B4GALNT4: variants seen among roughly 807,000 people sequenced by gnomAD.
The protein encoded by B4GALNT4 is N-acetyl-beta-glucosaminyl-glycoprotein 4-beta-N-acetylgalactosaminyltransferase 1.
A neutral mutation model predicts 110.0 loss-of-function variants in B4GALNT4; 77 were observed. The observed-to-expected ratio is 0.70, with a 90% CI of 0.58 to 0.85. The LOEUF is 0.85. Ranked by LOEUF, B4GALNT4 falls within the 40% of genes least tolerant of loss-of-function variation. The probability of loss-of-function intolerance (pLI) is 0.00; values close to 1 mark genes in which losing one functional copy is unlikely to be tolerated. For missense variants in B4GALNT4, 1,575 were observed against 1,506.0 expected, an observed-to-expected ratio of 1.05 and a Z score of -0.76; for synonymous variants, 785 against 655.5, an observed-to-expected ratio of 1.20 and a Z score of -3.02.
At position 376,871 on chromosome 11, in the gene B4GALNT4, A is replaced by C; in HGVS notation, c.1748A>C (p.Gln583Pro). The part of the protein sequence containing the change: ...RPHGRRTGGP[Q>P]ATQPRPPARA... Reference sequence around the variant, plus strand: ...CACGGCCGCAGGACCGGCGGCCCCCAGGCCACACAGCCGAGGCCCCCAGCC... The same window carrying C: ...CACGGCCGCAGGACCGGCGGCCCCCCGGCCACACAGCCGAGGCCCCCAGCC... Residue 583 changes from glutamine (Q) to proline (P), a missense_variant, in exon 14 of 20, where the codon CAG (glutamine) becomes CCG (proline). Physicochemically the swap from Gln to Pro is moderately conservative, Grantham distance 76 (BLOSUM62 -1). Coordinates refer to ENST00000329962, the MANE Select transcript of B4GALNT4 (RefSeq NM_178537.5). 2 of 1,331,618 alleles carry C rather than the reference A, an allele frequency of 1.5e-6. No homozygotes were observed. The highest frequency in any genetic ancestry group is 1.9e-6 in the Non-Finnish European group (2 of 1,044,092). The allele number at this position is 1,331,618 out of a possible 1,614,324, so 82.5% of individuals were successfully genotyped here.
chr11:379,842 C>T (rs1206889757), intron 15 of B4GALNT4, 24 bp from the exon 16 acceptor site: 3 of 1,523,180 alleles, frequency 2.0e-6, no homozygotes, highest in Admixed American at 2.0e-5. Flanking sequence ...CGGCTCAGCG[C>T]CCCCCCCGCC....
At chr11:378,998 G>T (rs1311359510) in intron 14 of B4GALNT4, among the ~76,000 whole-genome samples, 1 of 152,198 alleles carries the variant, frequency 6.6e-6, no homozygotes, top group Non-Finnish European at 1.5e-5. Context: ...AGTATGAGGG[G>T]AAGGTTGAAA....
chr11:380,768 G>C lies in B4GALNT4; in HGVS notation c.2870-57G>C, dbSNP rs1027934780. 3.3e-4 allele frequency: 521 copies of C among 1,584,044 alleles called. 1 individual carries two copies. In the African/African-American group the frequency reaches 7.2e-3, roughly 22 times the overall value. The stretch of plus-strand genomic sequence containing the variant: ...CGAGGTCTCCTAGCGGCGCTTTGCC[G>C]GGGGGACCTTGCAGGACCTGGTCTG... On this transcript the variant is annotated intron_variant, in intron 18 of 19. Transcript: ENST00000329962.
At position 377,225 on chromosome 11, in the gene B4GALNT4, A is replaced by G; in HGVS notation, c.2102A>G (p.Asn701Ser). 1 of 1,597,338 alleles carries G rather than the reference A, an allele frequency of 6.3e-7. No individual in the cohort carries two copies. The highest frequency in any genetic ancestry group is 1.3e-5 in the African/African-American group (1 of 74,728). Residue 701 changes from asparagine to serine, a missense_variant, in exon 14 of 20, where the codon AAC (asparagine) becomes AGC (serine). Physicochemically the swap from Asn to Ser is conservative, Grantham distance 46. Transcript: ENST00000329962. ...TTCGAGCTGCTGCGCTCGGACTGGA[A>G]CGACCTGCGATGCAACGTTTCGGGG... ...VDFELLRSDW[N>S]DLRCNVSGNL...
Position 369,967 on chromosome 11 carries a change from G to GGGCGCGGGGGGCGCGGGC in B4GALNT4, c.151+30_151+31insCGGCGCGGGGGGCGCGGG, listed in dbSNP as rs1564866346. The GGGCGCGGGGGGCGCGGGC allele has an allele frequency of 1.7e-6, 1 of 586,754 alleles. No homozygotes were observed. The highest frequency in any genetic ancestry group is 2.1e-6 in the Non-Finnish European group (1 of 478,048). 36.3% of individuals were successfully genotyped at this position (586,754 alleles called of 1,614,324 possible). ...GGCTACGGGCGAGGTACGGCGCGGG[G>GGGCGCGGGGGGCGCGGGC]GGCGCGGGGGGCGCGGGGGGCGGGG... On this transcript the variant is annotated intron_variant, in intron 1 of 19. Coordinates refer to ENST00000329962, the MANE Select transcript of B4GALNT4 (RefSeq NM_178537.5).
intron 8 of B4GALNT4, among the ~76,000 whole-genome samples, chr11:374,406 G>T (rs1281551773): frequency 6.7e-6 from 1 of 149,812 alleles, no homozygotes; most frequent in Non-Finnish European, 1.5e-5. Context: ...AGCCTGGTGG[G>T]TGTGGGGGGC....
intron 18 of B4GALNT4, 181 bp from the exon 19 acceptor site, chr11:380,644 A>G (rs752597736): frequency 2.4e-6 from 3 of 1,251,808 alleles, no homozygotes; most frequent in East Asian, 2.5e-5. Flanking sequence ...CTCCTCCAGT[A>G]TCCCGCGTTT....
At position 380,958 on chromosome 11, in the gene B4GALNT4, A is replaced by G; in HGVS notation, c.2996+7A>G. On this transcript the variant is annotated splice_region_variant and intron_variant, in intron 19 of 19. Coordinates refer to ENST00000329962, the MANE Select transcript of B4GALNT4 (RefSeq NM_178537.5). Reference sequence around the variant, plus strand: ...ACTGGGAGCTCCTGGACAGGTGACCACCTCCCCACTCCCCAGAGGTGACAC... The same window carrying G: ...ACTGGGAGCTCCTGGACAGGTGACCGCCTCCCCACTCCCCAGAGGTGACAC... 6.2e-7 allele frequency: 1 copy of G among 1,608,808 alleles called. No homozygotes were observed. Among genetic ancestry groups the G allele is most frequent in the Non-Finnish European group, 8.5e-7 (1 of 1,177,828 alleles).
rs1416310789 is a variant in B4GALNT4 at position 373,769 on chromosome 11, T to C, written c.724T>C (p.Tyr242His). ...KPRRLMASRR[Y>H]YFELLHKQDD... is the part of the protein sequence containing the mutation. Reference sequence around the variant, plus strand: ...CCCCAGGCTCATGGCCTCCCGGAGGTACTACTTTGAGTTGCTGCACAAGCA... The same window carrying C: ...CCCCAGGCTCATGGCCTCCCGGAGGCACTACTTTGAGTTGCTGCACAAGCA... Residue 242 changes from tyrosine to histidine, a missense_variant, in exon 8 of 20, where the codon TAC (tyrosine) becomes CAC (histidine). By Grantham distance (83) the Tyr-to-His change is moderately conservative (BLOSUM62 2). Coordinates refer to ENST00000329962, the MANE Select transcript of B4GALNT4 (RefSeq NM_178537.5). The C allele has an allele frequency of 6.2e-7, 1 of 1,612,168 alleles. No homozygotes were observed. Among genetic ancestry groups the C allele is most frequent in the Non-Finnish European group, 8.5e-7 (1 of 1,179,820 alleles).
In B4GALNT4 at chr11:380,410, G is replaced by A. The variant is rs1232798207; in HGVS notation, c.2834G>A (p.Arg945His). 1 of 1,610,982 alleles carries A rather than the reference G, an allele frequency of 6.2e-7. No individual in the cohort carries two copies. Among genetic ancestry groups the A allele is most frequent in the African/African-American group, 1.3e-5 (1 of 74,810 alleles). Residue 945 changes from arginine to histidine, a missense_variant, in exon 18 of 20, where the codon CGC (arginine) becomes CAC (histidine). Physicochemically the swap from Arg to His is conservative, Grantham distance 29. Transcript: ENST00000329962. ...GRLAFAPVVM[R>H]LSCGSSPRDP... is the part of the protein sequence containing the mutation. ...CTGGCCTTCGCGCCCGTGGTCATGCGCCTGAGCTGCGGGAGCTCGCCCCGG... is the reference window on the plus strand; with the variant it reads ...CTGGCCTTCGCGCCCGTGGTCATGCACCTGAGCTGCGGGAGCTCGCCCCGG...
Position 376,608 on chromosome 11 carries a change from C to T in B4GALNT4, c.1485C>T (p.Ser495=). The T allele has an allele frequency of 7.2e-7, 1 of 1,394,676 alleles. No homozygotes were observed. The allele number at this position is 1,394,676 out of a possible 1,614,324, so 86.4% of individuals were successfully genotyped here. The change falls in exon 14 of 20, where the codon AGC becomes AGT. Residue 495 remains serine (S), a synonymous_variant. Coordinates refer to ENST00000329962, the MANE Select transcript of B4GALNT4 (RefSeq NM_178537.5). ...CCCCCAGGCACTCCCGGGCCCTGAG[C>T]TGGGCCGCCAGGGCCGCCCGCCCTT... ...GGTPRHSRAL[S]WAARAARPLP... is the part of the protein sequence containing the mutation.
At chr11:375,595 G>A in intron 9 of B4GALNT4, 44 bp from the exon 10 acceptor site, 3 of 1,600,484 alleles carry the variant, frequency 1.9e-6, no homozygotes, top group African/African-American at 2.7e-5. Flanking sequence ...TGGGAAGAGT[G>A]GAGGAGGGGG....
At chr11:380,548 G>C (rs1473375478) in intron 18 of B4GALNT4, 103 bp downstream of exon 18, 1 of 1,474,518 alleles carries the variant, frequency 6.8e-7, no homozygotes, top group Non-Finnish European at 9.2e-7. Context: ...GGGAGGCCTG[G>C]GAGTCCATCA....
In B4GALNT4 at chr11:377,337, C is replaced by A; in HGVS notation, c.2204+10C>A. ...ACGCGCGCCACGGCGGGTATGGGGG[C>A]GGCCGAACGCGCGCCAGGGCGGTTT... On this transcript the variant is annotated intron_variant, in intron 14 of 19. Coordinates refer to ENST00000329962, the MANE Select transcript of B4GALNT4 (RefSeq NM_178537.5). The A allele has an allele frequency of 6.7e-7, 1 of 1,496,458 alleles. No individual in the cohort carries two copies. The highest frequency in any genetic ancestry group is 8.9e-7 in the Non-Finnish European group (1 of 1,127,702). The allele number at this position is 1,496,458 out of a possible 1,614,324, so 92.7% of individuals were successfully genotyped here. A position where few individuals can be genotyped will look rare whatever the true frequency, so the allele number is the denominator to read the frequency against.
Position 376,645 on chromosome 11 carries a change from T to C in B4GALNT4, c.1522T>C (p.Leu508=). 1 of 1,425,460 alleles carries C rather than the reference T, an allele frequency of 7.0e-7. No individual in the cohort carries two copies. Among genetic ancestry groups the C allele is most frequent in the Non-Finnish European group, 9.2e-7 (1 of 1,091,382 alleles). 88.3% of individuals were successfully genotyped at this position (1,425,460 alleles called of 1,614,324 possible). A position where few individuals can be genotyped will look rare whatever the true frequency, so the allele number is the denominator to read the frequency against. The stretch of plus-strand genomic sequence containing the variant: ...GGCCGCCCGCCCTTTGCCGCTCTTC[T>C]TGGGCCGAGCTCCGCCCCCGCGCCC... The part of the protein sequence containing the change: ...ARAARPLPLF[L]GRAPPPRPAV... Residue 508 remains leucine (L), a synonymous_variant, in exon 14 of 20, where the codon TTG becomes CTG. Coordinates refer to ENST00000329962, the MANE Select transcript of B4GALNT4 (RefSeq NM_178537.5).
rs745770049 is a variant in B4GALNT4, at chr11:380,288, C to A, written c.2716-4C>A. 3 of 1,612,792 alleles carry A rather than the reference C, an allele frequency of 1.9e-6. No homozygotes were observed. The highest frequency in any genetic ancestry group is 3.3e-5 in the Admixed American group (2 of 59,968). Reference sequence around the variant, plus strand: ...GCGGGGCTCAGACCTCCCGCACCCCCCAGGACGCCAGCAGCATCGTGTTCC... The same window carrying A: ...GCGGGGCTCAGACCTCCCGCACCCCACAGGACGCCAGCAGCATCGTGTTCC... On this transcript the variant is annotated splice_region_variant and splice_polypyrimidine_tract_variant and intron_variant, in intron 17 of 19. Transcript: ENST00000329962.
At chr11:373,408 A>ACC (rs376849299) in intron 6 of B4GALNT4, 41 bp from the exon 7 acceptor site, 163 of 808,742 alleles carry the variant, frequency 2.0e-4, no homozygotes, top group Admixed American at 5.5e-4. Context: ...GAGAGAGTGA[A>ACC]CCCCCCCCCC....
intron 8 of B4GALNT4, among the ~76,000 whole-genome samples, chr11:374,454 G>A (rs956511708): frequency 5.3e-5 from 8 of 149,886 alleles, no homozygotes; most frequent in African/African-American, 9.8e-5. Flanking sequence ...TGGAGGGCAC[G>A]TTTCACCCCA....
chr11:378,372 C>T (rs751359677), intron 14 of B4GALNT4, among the ~76,000 whole-genome samples: 10 of 152,170 alleles, frequency 6.6e-5, no homozygotes, highest in Admixed American at 3.3e-4. Context: ...ACGCCTGCCC[C>T]GGCTCTAAGC....
Sources: gnomAD v4.1 joint callset for allele counts (sites outside exome capture counted in the v4.1 genomes callset) on GRCh38, gnomAD v4.1.1 for gene constraint, MANE v1.5 for transcripts, NCBI Gene and HGNC (gene_info 2026-07-23, HGNC 2026-07-21) for gene names.